Variants in XKR9 observed in about 807,000 individuals in gnomAD.
XKR9 encodes XK-related protein 9.
A neutral mutation model predicts 32.0 loss-of-function variants in XKR9; 32 were observed. The ratio of observed to expected loss-of-function variants is 1.00; its 90% CI spans 0.76 to 1.34. XKR9 has a LOEUF of 1.34. Among genes scored for constraint, XKR9 ranks in the 40% most tolerant of loss-of-function variants. The probability of loss-of-function intolerance (pLI) is 0.00; values close to 1 mark genes in which losing one functional copy is unlikely to be tolerated. For missense variants in XKR9, 546 were observed against 429.7 expected (o/e 1.27, Z -2.39); for synonymous variants, 168 against 143.4 (o/e 1.17, Z -1.22).
the XKR9 span, among the ~76,000 whole-genome samples, chr8:70,807,945 T>G: frequency 6.6e-6 from 1 of 152,116 alleles, no homozygotes; most frequent in Non-Finnish European, 1.5e-5. Flanking sequence ...TCCACCACAT[T>G]TCAACAGACT....
the XKR9 span, among the ~76,000 whole-genome samples, chr8:71,029,984 C>T: frequency 9.9e-5 from 15 of 151,540 alleles, no homozygotes; most frequent in Admixed American, 2.6e-4. Context: ...TAATAGGCTA[C>T]GATTAACTCT....
chr8:70,912,736 G>A, the XKR9 span, among the ~76,000 whole-genome samples: 1 of 152,014 alleles, frequency 6.6e-6, no homozygotes, highest in African/African-American at 2.4e-5. Flanking sequence ...AGGAAAAAAT[G>A]TACATGATGG....
At chr8:70,788,304 C>T (rs1807717304) in intron 2 of XKR9, among the ~76,000 whole-genome samples, 1 of 152,100 alleles carries the variant, frequency 6.6e-6, no homozygotes, top group African/African-American at 2.4e-5. Flanking sequence ...TTGTAACAGA[C>T]ACAGAAATAA....
chr8:70,776,941 C>CTT (rs1458539277), intron 2 of XKR9, among the ~76,000 whole-genome samples: 1 of 31,456 alleles, frequency 3.2e-5, no homozygotes, highest in Non-Finnish European at 6.1e-5. Context: ...CTCTCTCTCT[C>CTT]TCTCTCTATA....
At chr8:71,051,200 G>T in the XKR9 span, among the ~76,000 whole-genome samples, 1 of 152,108 alleles carries the variant, frequency 6.6e-6, no homozygotes, top group Admixed American at 6.5e-5. Flanking sequence ...TCATGTTAAG[G>T]TTATTCACTC....
chr8:70,787,398 T>G (rs756965181), intron 2 of XKR9, among the ~76,000 whole-genome samples: 1 of 152,142 alleles, frequency 6.6e-6, no homozygotes. Context: ...AATTATTTGC[T>G]GTAAATCTTC....
At chr8:70,854,704 G>A in the XKR9 span, among the ~76,000 whole-genome samples, 3 of 152,140 alleles carry the variant, frequency 2.0e-5, no homozygotes, top group African/African-American at 7.2e-5. Context: ...TTTGTATGAG[G>A]TGTAAGGAAA....
the XKR9 span, among the ~76,000 whole-genome samples, chr8:70,849,727 C>A: frequency 6.6e-6 from 1 of 151,938 alleles, no homozygotes; most frequent in Non-Finnish European, 1.5e-5. Context: ...ACTAGCCAGA[C>A]TAATAAAGAA....
the XKR9 span, among the ~76,000 whole-genome samples, chr8:70,947,920 C>T: frequency 6.6e-6 from 1 of 152,100 alleles, no homozygotes; most frequent in Non-Finnish European, 1.5e-5. Flanking sequence ...TAGTTTGCAT[C>T]CTTTATGATT....
chr8:70,896,284 T>C, the XKR9 span, among the ~76,000 whole-genome samples: 1 of 152,178 alleles, frequency 6.6e-6, no homozygotes, highest in East Asian at 1.9e-4. Flanking sequence ...AGAATTAATA[T>C]TGTTTGTTCC....
intron 2 of XKR9, among the ~76,000 whole-genome samples, chr8:70,774,569 GTTCT>G (rs1350346564): frequency 8.5e-5 from 13 of 152,216 alleles, no homozygotes; most frequent in Admixed American, 5.9e-4. Flanking sequence ...CATTTGGGGT[GTTCT>G]TTTTGTGTGT....
intron 2 of XKR9, among the ~76,000 whole-genome samples, chr8:70,752,226 G>A (rs1563468183): frequency 1.3e-5 from 2 of 152,132 alleles, no homozygotes; most frequent in Non-Finnish European, 2.9e-5. Context: ...TTTGTGACTG[G>A]CTTCTTTAAA....
the XKR9 span, among the ~76,000 whole-genome samples, chr8:70,894,642 G>C: frequency 6.6e-6 from 1 of 152,160 alleles, no homozygotes; most frequent in Non-Finnish European, 1.5e-5. Flanking sequence ...TTAGGTGCTA[G>C]GGTATGCAAC....
At chr8:70,737,076 G>T (rs1806876877), downstream of XKR9, among the ~76,000 whole-genome samples, 1 of 151,568 alleles carries the variant, frequency 6.6e-6, no homozygotes, top group South Asian at 2.1e-4. Flanking sequence ...CCATTTTCAT[G>T]ATATTGATTC....
At chr8:70,704,056 C>G (rs896746533) in intron 3 of XKR9, among the ~76,000 whole-genome samples, 1 of 152,036 alleles carries the variant, frequency 6.6e-6, no homozygotes, top group Non-Finnish European at 1.5e-5. Context: ...GTGGCGGGCA[C>G]CTGTAGTCCC....
At chr8:70,968,979 A>G in the XKR9 span, among the ~76,000 whole-genome samples, 5 of 152,146 alleles carry the variant, frequency 3.3e-5, no homozygotes, top group African/African-American at 9.7e-5. Flanking sequence ...GAGCAGTTGC[A>G]CCATGCTGGG....
At chr8:70,976,492 T>C in the XKR9 span, among the ~76,000 whole-genome samples, 3 of 152,340 alleles carry the variant, frequency 2.0e-5, no homozygotes, top group South Asian at 4.1e-4. Context: ...TTTTGGTCTT[T>C]GGTTCTGTTC....
chr8:70,822,668 T>C, the XKR9 span, among the ~76,000 whole-genome samples: 1 of 152,100 alleles, frequency 6.6e-6, no homozygotes, highest in Admixed American at 6.5e-5. Flanking sequence ...GGATATTTAG[T>C]GAAAGTTCAT....
At chr8:70,782,747 T>G (rs2130255477) in intron 2 of XKR9, among the ~76,000 whole-genome samples, 1 of 152,292 alleles carries the variant, frequency 6.6e-6, no homozygotes, top group Admixed American at 6.5e-5. Flanking sequence ...TCAGAAATGA[T>G]AAGATTTTCT....
Sources: gnomAD v4.1 joint callset for allele counts (sites outside exome capture counted in the v4.1 genomes callset) on GRCh38, gnomAD v4.1.1 for gene constraint, MANE v1.5 for transcripts, NCBI Gene and HGNC (gene_info 2026-07-23, HGNC 2026-07-21) for gene names.